The following KLF16 variants were observed in gnomAD, a reference collection of about 807,000 sequenced individuals.
The protein encoded by KLF16 is KLF transcription factor 16.
A neutral mutation model predicts 6.1 loss-of-function variants in KLF16; 6 were observed. The ratio of observed to expected loss-of-function variants is 0.98; its 90% CI spans 0.54 to 1.93. KLF16 has a LOEUF of 1.93. Among genes scored for constraint, KLF16 ranks in the 30% most tolerant of loss-of-function variants. The pLI, the probability that KLF16 is intolerant of heterozygous loss-of-function variation, is 0.01. For synonymous variants in KLF16, 211 were observed against 176.5 expected, an observed-to-expected ratio of 1.20 and a Z score of -1.55; for missense variants, 355 against 363.8, an observed-to-expected ratio of 0.98 and a Z score of 0.20.
intron 1 of KLF16, chr19:1,862,028 T>C (rs1387117980): frequency 6.6e-6 from 1 of 151,990 alleles, no homozygotes; most frequent in Non-Finnish European, 1.5e-5. Context: ...CCAGATCGGG[T>C]AGAGGTCTTC....
chr19:1,857,526 T>C lies in KLF16; in HGVS notation c.458-2766A>G, dbSNP rs2011979494. Among the ~76,000 whole-genome samples, 1 of 151,322 alleles carries C rather than the reference T, an allele frequency of 6.6e-6. No homozygotes were observed. Among genetic ancestry groups the C allele is most frequent in the Admixed American group, 6.6e-5 (1 of 15,236 alleles). On this transcript the variant is annotated intron_variant, in intron 1 of 1. Transcript: ENST00000250916. The surrounding 1 kb of genome is among the most constrained non-coding windows in gnomAD (Gnocchi z 4.7). ...AACAGGCAGGCTCAGAAAAATGGAG[T>C]CCAGGAAGTCCTGGAAACCTGGCCC...
At chr19:1,855,174 C>T (rs2145363223) in intron 1 of KLF16, among the ~76,000 whole-genome samples, 1 of 152,342 alleles carries the variant, frequency 6.6e-6, no homozygotes, top group Admixed American at 6.5e-5. Context: ...GCTCGGCCTT[C>T]AGGCTGTCCC....
rs2012101807 is a variant in KLF16, at chr19:1,863,026, C to T, written c.457+15G>A. The T allele has an allele frequency of 1.3e-5, 17 of 1,304,232 alleles. No individual in the cohort carries two copies. Among genetic ancestry groups the T allele is most frequent in the South Asian group, 1.7e-5 (1 of 57,532 alleles). The allele number at this position is 1,304,232 out of a possible 1,614,324, so 80.8% of individuals were successfully genotyped here. ...CGGCCGCCCCCGCAAGGGCCGGGAT[C>T]GCGGCTGCACTCACCTGTGTGCGTC... On this transcript the variant is annotated intron_variant, in intron 1 of 1. Transcript: ENST00000250916.
At position 1,863,291 on chromosome 19, in the gene KLF16, G is replaced by C; in HGVS notation, c.207C>G (p.Gly69=). The C allele has an allele frequency of 2.0e-6, 2 of 984,914 alleles. No individual in the cohort carries two copies. Among genetic ancestry groups the C allele is most frequent in the South Asian group, 9.1e-5 (2 of 22,082 alleles). The allele number at this position is 984,914 out of a possible 1,614,324, so 61.0% of individuals were successfully genotyped here. ...PPPPPAASGP[G]PGAAAAPHLL... is the part of the protein sequence containing the mutation. ...GGTGGGGCGCCGCGGCGGCGCCGGG[G>C]CCCGGGCCAGAAGCGGCGGGGGGCG... Residue 69 remains glycine, a synonymous_variant, in exon 1 of 2, where the codon GGC becomes GGG. Coordinates refer to ENST00000250916, the MANE Select transcript of KLF16 (RefSeq NM_031918.4).
the KLF16 span, among the ~76,000 whole-genome samples, chr19:1,869,530 GC>G: frequency 9.2e-3 from 1,398 of 152,310 alleles, 20 homozygotes; most frequent in African/African-American, 0.032. Context: ...CACAAGGGAA[GC>G]CAGTGAAGGG....
chr19:1,862,985 G>C (rs1471057814), intron 1 of KLF16, 56 bp downstream of exon 1: 2 of 1,121,622 alleles, frequency 1.8e-6, no homozygotes, highest in African/African-American at 3.4e-5. Context: ...GGTCCTGGCG[G>C]GGGAGGGGTC....
rs1441696822 is a variant in KLF16, at chr19:1,863,344, A to C, written c.154T>G (p.Ser52Ala). The C allele has an allele frequency of 2.0e-6, 2 of 979,286 alleles. No individual in the cohort carries two copies. Among genetic ancestry groups the C allele is most frequent in the Admixed American group, 6.4e-5 (1 of 15,652 alleles). 60.7% of individuals were successfully genotyped at this position (979,286 alleles called of 1,614,324 possible). A position where few individuals can be genotyped will look rare whatever the true frequency, so the allele number is the denominator to read the frequency against. The change falls in exon 1 of 2, where the codon TCA becomes GCA. Residue 52 changes from serine (S) to alanine (A), a missense_variant. Ser to Ala is a moderately conservative substitution (Grantham distance 99). Transcript: ENST00000250916. ...GGGGGTGGCCCCGGGGTCCCGGGTG[A>C]GGCGGCCTCGCGGCGCGCCGCGCGC... ...DVRAARREAA[S>A]PGTPGPPPPP...
upstream of KLF16, among the ~76,000 whole-genome samples, chr19:1,868,240 C>T (rs536154643): frequency 5.9e-5 from 9 of 152,164 alleles, no homozygotes; most frequent in Admixed American, 2.0e-4. Context: ...GACTCGCTGC[C>T]GCAGAACAGG....
rs946961126 is a variant in KLF16 at position 1,856,950 on chromosome 19, C to CGGGGGGGGGG, written c.458-2191_458-2190insCCCCCCCCCC. 6.9e-5 allele frequency among the ~76,000 whole-genome samples: 3 copies of CGGGGGGGGGG among 43,258 alleles called. 1 individual carries two copies. Among genetic ancestry groups the CGGGGGGGGGG allele is most frequent in the African/African-American group, 5.9e-4 (3 of 5,116 alleles). 28.4% of individuals were successfully genotyped at this position (43,258 alleles called of 152,430 possible). On this transcript the variant is annotated intron_variant, in intron 1 of 1. Transcript: ENST00000250916. ...CACTTTGCAAGGAGGAGCAGGTTGC[C>CGGGGGGGGGG]GGGGTGGGGGGGGCGACCGGGGCAG... is the stretch of plus-strand genomic sequence containing the variant.
At chr19:1,856,523 T>A (rs1454439027) in intron 1 of KLF16, among the ~76,000 whole-genome samples, 1 of 151,976 alleles carries the variant, frequency 6.6e-6, no homozygotes, top group African/African-American at 2.4e-5. Flanking sequence ...CTCAAATCCC[T>A]GGGGCTGCCT....
chr19:1,869,924 CTTTTTCTTTTTT>C, the KLF16 span, among the ~76,000 whole-genome samples: 1 of 133,238 alleles, frequency 7.5e-6, no homozygotes, highest in South Asian at 2.4e-4. Flanking sequence ...AAGATAAATA[CTTTTTCTTTTTT>C]TTTTTTTTTT....
In KLF16 at chr19:1,854,725, C is replaced by A; in HGVS notation, c.493G>T (p.Asp165Tyr). The change falls in exon 2 of 2, where the codon GAC becomes TAC. Residue 165 changes from aspartate (D) to tyrosine (Y), a missense_variant. By Grantham distance (160) the Asp-to-Tyr change is radical. Transcript: ENST00000250916. ...RPFACDWQGC[D>Y]KKFARSDELA... ...TCGTCGGAGCGGGCGAACTTCTTGT[C>A]GCAGCCCTGCCAGTCACAAGCAAAA... 1 of 1,598,264 alleles carries A rather than the reference C, an allele frequency of 6.3e-7. No individual in the cohort carries two copies. Among genetic ancestry groups the A allele is most frequent in the Non-Finnish European group, 8.5e-7 (1 of 1,179,382 alleles).
At chr19:1,854,833 C>A (rs944973286) in intron 1 of KLF16, 73 bp from the exon 2 acceptor site, 171 of 1,512,648 alleles carry the variant, frequency 1.1e-4, no homozygotes, top group Non-Finnish European at 1.3e-4. Context: ...TCCAGCAGAT[C>A]CCAAAGGGTG....
At chr19:1,862,771 G>A in intron 1 of KLF16, 1 of 370,316 alleles carries the variant, frequency 2.7e-6, no homozygotes, top group Non-Finnish European at 4.8e-6. Flanking sequence ...GTCTGCCCAG[G>A]AGTCTCAATC....
chr19:1,862,749 G>C (rs1489854459), intron 1 of KLF16: 2 of 365,396 alleles, frequency 5.5e-6, no homozygotes, highest in Non-Finnish European at 9.7e-6. Context: ...GGCCCAGAAA[G>C]GGAGAGAGGT....
intron 1 of KLF16, among the ~76,000 whole-genome samples, chr19:1,859,727 C>G (rs1027782449): frequency 5.3e-5 from 8 of 152,192 alleles, no homozygotes; most frequent in African/African-American, 1.9e-4. Context: ...CCACCACGGA[C>G]ACAGTTCCCT....
At chr19:1,864,123 G>C (rs1049619908), upstream of KLF16, among the ~76,000 whole-genome samples, 1 of 145,296 alleles carries the variant, frequency 6.9e-6, no homozygotes, top group Non-Finnish European at 1.5e-5. Context: ...CCCCACGCCG[G>C]GGCGCGCGGC....
rs2011912448 is a variant in KLF16 at position 1,854,721 on chromosome 19, T to C, written c.497A>G (p.Lys166Arg). The C allele has an allele frequency of 2.5e-6, 4 of 1,598,620 alleles. No homozygotes were observed. Among genetic ancestry groups the C allele is most frequent in the East Asian group, 4.5e-5 (2 of 44,786 alleles). The part of the protein sequence containing the change: ...PFACDWQGCD[K>R]KFARSDELAR... ...CAGCTCGTCGGAGCGGGCGAACTTC[T>C]TGTCGCAGCCCTGCCAGTCACAAGC... is the stretch of plus-strand genomic sequence containing the variant. Residue 166 changes from lysine (K) to arginine (R), a missense_variant, in exon 2 of 2, where the codon AAG becomes AGG. Coordinates refer to ENST00000250916, the MANE Select transcript of KLF16 (RefSeq NM_031918.4).
intron 1 of KLF16, among the ~76,000 whole-genome samples, chr19:1,858,657 ACTC>A (rs2012002030): frequency 1.3e-5 from 2 of 151,624 alleles, no homozygotes; most frequent in South Asian, 4.1e-4. Flanking sequence ...CATCTTGAAT[ACTC>A]CTGTCCTCCC....
Sources: allele counts gnomAD v4.1 joint callset (sites outside exome capture counted in the v4.1 genomes callset), GRCh38; gene constraint gnomAD v4.1.1; non-coding constraint Gnocchi (gnomAD v3.1); transcripts MANE v1.5; gene names NCBI Gene and HGNC (gene_info 2026-07-23, HGNC 2026-07-21).